CNTNAP2: variants seen among roughly 807,000 people sequenced by gnomAD.
CNTNAP2 encodes contactin-associated protein-like 2.
In CNTNAP2, 98 loss-of-function variants were observed where a neutral mutation model predicts 155.2. The ratio of observed to expected loss-of-function variants is 0.63; its 90% CI spans 0.54 to 0.75. The LOEUF (loss-of-function observed/expected upper bound fraction) is 0.75, where lower values mean the gene tolerates loss of function less well. Among genes scored for constraint, CNTNAP2 ranks in the 30% least tolerant of loss-of-function variants. The probability of loss-of-function intolerance (pLI) is 0.00; values close to 1 mark genes in which losing one functional copy is unlikely to be tolerated. For synonymous variants in CNTNAP2, 651 were observed against 631.2 expected (o/e 1.03, Z -0.47); for missense variants, 1,727 against 1,688.1 (o/e 1.02, Z -0.40).
chr7:146,338,343 G>A (rs182809686), intron 1 of CNTNAP2, among the ~76,000 whole-genome samples: 1 of 152,234 alleles, frequency 6.6e-6, no homozygotes, highest in Admixed American at 6.5e-5. Context: ...CTTTATGTGT[G>A]AGCATTTAAC....
intron 11 of CNTNAP2, among the ~76,000 whole-genome samples, chr7:147,503,778 A>G (rs573493720): frequency 6.6e-6 from 1 of 152,058 alleles, no homozygotes; most frequent in South Asian, 2.1e-4. Flanking sequence ...TGTTTTACCC[A>G]CAGTTTTTTC....
intron 1 of CNTNAP2, among the ~76,000 whole-genome samples, chr7:146,581,496 G>A (rs557678007): frequency 6.6e-5 from 10 of 151,926 alleles, no homozygotes; most frequent in African/African-American, 2.2e-4. Context: ...TTTTAACTGC[G>A]GATAGAATAT....
chr7:146,786,199 C>A (rs1802571248), intron 2 of CNTNAP2, among the ~76,000 whole-genome samples: 1 of 152,140 alleles, frequency 6.6e-6, no homozygotes, highest in South Asian at 2.1e-4. Flanking sequence ...AATATCTACT[C>A]TCCTGTGATT....
At chr7:146,652,767 G>C (rs753813593) in intron 1 of CNTNAP2, among the ~76,000 whole-genome samples, 14 of 152,128 alleles carry the variant, frequency 9.2e-5, no homozygotes, top group South Asian at 2.1e-4. Context: ...ATAAAGTAAA[G>C]AGACTGGATC....
chr7:148,052,856 G>A (rs1464256782), intron 15 of CNTNAP2, among the ~76,000 whole-genome samples: 4 of 152,152 alleles, frequency 2.6e-5, no homozygotes, highest in Admixed American at 6.5e-5. Flanking sequence ...AGACCAGGCT[G>A]GCCAATATGG....
chr7:147,329,848 G>T (rs1205247627), intron 9 of CNTNAP2, among the ~76,000 whole-genome samples: 1 of 151,968 alleles, frequency 6.6e-6, no homozygotes, highest in East Asian at 1.9e-4. Flanking sequence ...CATAGAAATG[G>T]TCAACCAAGA....
rs890219176 is a variant in CNTNAP2, at chr7:147,703,749, A to G, written c.2098+64443A>G. Among the ~76,000 whole-genome samples the G allele has an allele frequency of 1.2e-4, 18 of 152,112 alleles. 1 individual carries two copies. In the South Asian group the frequency reaches 1.9e-3, roughly 16 times the overall value. ...CTCTTCTTGCTGTTTTGAAATATAC[A>G]TTTTTGTTAACTGTAGTCACCCTAC... On this transcript the variant is annotated intron_variant, in intron 13 of 23. Coordinates refer to ENST00000361727, the MANE Select transcript of CNTNAP2 (RefSeq NM_014141.6).
At chr7:147,950,393 A>AAAAAAAAAC (rs3055204) in intron 14 of CNTNAP2, among the ~76,000 whole-genome samples, 1 of 128,044 alleles carries the variant, frequency 7.8e-6, no homozygotes, top group African/African-American at 2.8e-5. Flanking sequence ...AAAAAAAAAA[A>AAAAAAAAAC]GACCTTACAG....
At chr7:146,192,666 A>G (rs558042371) in intron 1 of CNTNAP2, among the ~76,000 whole-genome samples, 1 of 152,312 alleles carries the variant, frequency 6.6e-6, no homozygotes, top group Admixed American at 6.5e-5. Flanking sequence ...TATGGGAGCT[A>G]CAATTCAAGG....
intron 20 of CNTNAP2, among the ~76,000 whole-genome samples, chr7:148,258,154 T>C (rs1032988600): frequency 6.6e-6 from 1 of 152,128 alleles, no homozygotes; most frequent in African/African-American, 2.4e-5. Context: ...GACAACCAGG[T>C]GGATTTCCAC....
chr7:147,656,549 G>T (rs1795527668), intron 13 of CNTNAP2, among the ~76,000 whole-genome samples: 1 of 152,268 alleles, frequency 6.6e-6, no homozygotes, highest in South Asian at 2.1e-4. Flanking sequence ...GGGATCAGCT[G>T]GTCAGTAGAG....
intron 10 of CNTNAP2, among the ~76,000 whole-genome samples, chr7:147,461,953 T>C (rs940531621): frequency 1.3e-5 from 2 of 152,212 alleles, no homozygotes; most frequent in Non-Finnish European, 2.9e-5. Flanking sequence ...TTGTCATATA[T>C]AAAAATAATT....
At chr7:147,753,941 G>A (rs1395028676) in intron 13 of CNTNAP2, among the ~76,000 whole-genome samples, 3 of 152,180 alleles carry the variant, frequency 2.0e-5, no homozygotes, top group African/African-American at 7.2e-5. Flanking sequence ...TAACATCAGT[G>A]TGAACTCAGG....
intron 1 of CNTNAP2, among the ~76,000 whole-genome samples, chr7:146,617,870 T>A (rs1373768848): frequency 6.6e-6 from 1 of 152,166 alleles, no homozygotes; most frequent in Non-Finnish European, 1.5e-5. Context: ...ATGACTATGA[T>A]AAAATACTCA....
At chr7:147,879,095 C>G (rs1176423460) in intron 13 of CNTNAP2, among the ~76,000 whole-genome samples, 1 of 152,134 alleles carries the variant, frequency 6.6e-6, no homozygotes, top group Non-Finnish European at 1.5e-5. Flanking sequence ...ACAAATTCAC[C>G]CTTATACAAT....
chr7:146,826,227 C>T (rs1358205610), intron 2 of CNTNAP2, among the ~76,000 whole-genome samples: 1 of 152,044 alleles, frequency 6.6e-6, no homozygotes, highest in African/African-American at 2.4e-5. Flanking sequence ...CCTTTTCTTT[C>T]TTAAGTGAAT....
chr7:147,513,881 A>T (rs1474677831), intron 11 of CNTNAP2, among the ~76,000 whole-genome samples: 2 of 152,258 alleles, frequency 1.3e-5, no homozygotes, highest in Non-Finnish European at 2.9e-5. Context: ...AGACAAGAAC[A>T]GGATCAGACC....
intron 4 of CNTNAP2, among the ~76,000 whole-genome samples, chr7:147,060,300 G>A (rs1480836659): frequency 6.6e-6 from 1 of 152,158 alleles, no homozygotes; most frequent in African/African-American, 2.4e-5. Flanking sequence ...AAACTGTGTT[G>A]AACAGCCATT....
At chr7:147,255,696 A>G (rs1264310381) in intron 8 of CNTNAP2, among the ~76,000 whole-genome samples, 3 of 152,176 alleles carry the variant, frequency 2.0e-5, no homozygotes, top group African/African-American at 7.2e-5. Flanking sequence ...TTGTTTTTAT[A>G]TAAATAATAG....
Sources: gnomAD v4.1 joint callset for allele counts (sites outside exome capture counted in the v4.1 genomes callset) on GRCh38, gnomAD v4.1.1 for gene constraint, MANE v1.5 for transcripts, NCBI Gene and HGNC (gene_info 2026-07-23, HGNC 2026-07-21) for gene names.